Variants in CDYL2 observed in about 807,000 individuals in gnomAD.
The protein encoded by CDYL2 is chromodomain Y-like protein 2.
CDYL2 carries 23 observed loss-of-function variants against 49.4 expected under a neutral mutation model. The observed-to-expected ratio is 0.47, with a 90% CI of 0.34 to 0.66. CDYL2 has a LOEUF of 0.66. CDYL2 is among the 30% of genes least tolerant of loss of function. The pLI, the probability that CDYL2 is intolerant of heterozygous loss-of-function variation, is 0.01. For synonymous variants in CDYL2, 360 were observed against 268.8 expected, an observed-to-expected ratio of 1.34 and a Z score of -3.32; for missense variants, 678 against 656.4, an observed-to-expected ratio of 1.03 and a Z score of -0.36.
intron 1 of CDYL2, among the ~76,000 whole-genome samples, chr16:80,727,787 G>A (rs1356143514): frequency 6.6e-6 from 1 of 152,320 alleles, no homozygotes; most frequent in East Asian, 1.9e-4. Flanking sequence ...GTGGGTCCCT[G>A]ACCCCTAACC....
intron 2 of CDYL2, among the ~76,000 whole-genome samples, chr16:80,638,053 C>A (rs552100476): frequency 6.6e-6 from 1 of 151,946 alleles, no homozygotes; most frequent in Admixed American, 6.5e-5. Context: ...GAGAAATAAT[C>A]TGTGTTAATG....
chr16:80,702,183 AACACACACACACAC>A (rs35071485), intron 1 of CDYL2, among the ~76,000 whole-genome samples: 3 of 142,770 alleles, frequency 2.1e-5, no homozygotes, highest in South Asian at 2.3e-4. Flanking sequence ...GAAGGCCTAA[AACACACACACACAC>A]ACACACACAC....
chr16:80,743,930 G>A (rs1905837228), intron 1 of CDYL2, among the ~76,000 whole-genome samples: 1 of 152,114 alleles, frequency 6.6e-6, no homozygotes, highest in East Asian at 1.9e-4. Context: ...CGGTGGTGGT[G>A]GGACTGTACT....
chr16:80,673,482 T>A (rs549083605), intron 2 of CDYL2, among the ~76,000 whole-genome samples: 2 of 152,230 alleles, frequency 1.3e-5, no homozygotes, highest in Non-Finnish European at 2.9e-5. Context: ...GCTTTTGCTA[T>A]TTCTTCTAGC....
At chr16:80,703,625 A>G (rs1904318078) in intron 1 of CDYL2, among the ~76,000 whole-genome samples, 3 of 152,036 alleles carry the variant, frequency 2.0e-5, no homozygotes, top group Non-Finnish European at 2.9e-5. Flanking sequence ...CTAGCAACCA[A>G]TCTGGTTACC....
At chr16:80,646,687 G>A (rs773314833) in intron 2 of CDYL2, among the ~76,000 whole-genome samples, 12 of 152,102 alleles carry the variant, frequency 7.9e-5, no homozygotes, top group Admixed American at 3.9e-4. Flanking sequence ...TACTCAGGAG[G>A]CTGAGGCAGG....
At chr16:80,762,731 T>G (rs112294622) in intron 1 of CDYL2, among the ~76,000 whole-genome samples, 8 of 152,280 alleles carry the variant, frequency 5.3e-5, no homozygotes, top group African/African-American at 1.9e-4. Context: ...ATGTCATCAA[T>G]TGCAAGTGTC....
Position 80,647,077 on chromosome 16 carries a change from A to G in CDYL2, c.617-13841T>C, listed in dbSNP as rs549650834. On this transcript the variant is annotated intron_variant, in intron 2 of 6. Transcript: ENST00000570137. ...CTATATGCCAACAGTAAACAATCTG[A>G]AAAAGAAATTAAAAAGTTATCCCAT... 3.9e-5 allele frequency among the ~76,000 whole-genome samples: 6 copies of G among 152,288 alleles called. 1 individual carries two copies. Among genetic ancestry groups the G allele is most frequent in the South Asian group, 2.1e-4 (1 of 4,824 alleles).
intron 1 of CDYL2, among the ~76,000 whole-genome samples, chr16:80,798,592 T>C (rs928593237): frequency 1.3e-5 from 2 of 152,228 alleles, no homozygotes; most frequent in Non-Finnish European, 2.9e-5. Flanking sequence ...ATACTACATA[T>C]AACATACAAA....
chr16:80,739,376 T>C (rs999999806), intron 1 of CDYL2, among the ~76,000 whole-genome samples: 1 of 152,152 alleles, frequency 6.6e-6, no homozygotes, highest in African/African-American at 2.4e-5. Flanking sequence ...ACCTCGGAAA[T>C]GCACACTTAA....
intron 2 of CDYL2, among the ~76,000 whole-genome samples, chr16:80,657,678 G>A (rs1380229860): frequency 6.6e-6 from 1 of 152,086 alleles, no homozygotes; most frequent in African/African-American, 2.4e-5. Context: ...TGGGGAGTCA[G>A]GCATTATCTT....
intron 1 of CDYL2, among the ~76,000 whole-genome samples, chr16:80,748,213 C>CCCTG (rs1464483546): frequency 2.0e-5 from 3 of 147,654 alleles, no homozygotes; most frequent in African/African-American, 7.4e-5. Context: ...TAGGTCTGTG[C>CCCTG]CCTGGCTCTG....
rs1487395433 is a variant in CDYL2 at position 80,746,561 on chromosome 16, T to C, written c.24+57589A>G. On this transcript the variant is annotated intron_variant, in intron 1 of 6. Coordinates refer to ENST00000570137, the MANE Select transcript of CDYL2 (RefSeq NM_152342.4). The stretch of plus-strand genomic sequence containing the variant: ...GACAGGAAAAGTAACCCCAAGAATG[T>C]AGGGCAAAGGAAGCCAAGTGCCCAA... Among the ~76,000 whole-genome samples, 5 of 152,208 alleles carry C rather than the reference T, an allele frequency of 3.3e-5. No individual in the cohort carries two copies. In the East Asian group the frequency reaches 9.6e-4, roughly 29 times the overall value.
At chr16:80,803,950 C>CGCGGGAGGCG (rs1555503958) in intron 1 of CDYL2, among the ~76,000 whole-genome samples, 200 bp downstream of exon 1, 1 of 140,362 alleles carries the variant, frequency 7.1e-6, no homozygotes, top group Non-Finnish European at 1.6e-5. Context: ...GCGCGGGCGC[C>CGCGGGAGGCG]GCGGGAGGCG....
intron 3 of CDYL2, among the ~76,000 whole-genome samples, chr16:80,631,709 G>A (rs560301209): frequency 1.3e-5 from 2 of 152,120 alleles, no homozygotes; most frequent in Admixed American, 1.3e-4. Context: ...ACCATAGAAA[G>A]AAAAGTGACC....
At chr16:80,737,896 T>C (rs923143005) in intron 1 of CDYL2, among the ~76,000 whole-genome samples, 2 of 152,188 alleles carry the variant, frequency 1.3e-5, no homozygotes, top group African/African-American at 4.8e-5. Context: ...TACTTTAAGT[T>C]CTGGGTTACA....
rs539245264 is a variant in CDYL2, at chr16:80,680,284, C to T, written c.616+4254G>A. 2.0e-5 allele frequency among the ~76,000 whole-genome samples: 3 copies of T among 152,256 alleles called. No individual in the cohort carries two copies. The South Asian group carries it at 6.2e-4, about 32-fold the overall frequency. On this transcript the variant is annotated intron_variant, in intron 2 of 6. Transcript: ENST00000570137. ...GATGCAACGTCTGTGCAGCAGACAA[C>T]AGTCATCAAGATGCAAGGAAAGGAT...
At chr16:80,743,887 C>A (rs1905835266) in intron 1 of CDYL2, among the ~76,000 whole-genome samples, 1 of 151,874 alleles carries the variant, frequency 6.6e-6, no homozygotes, top group Non-Finnish European at 1.5e-5. Flanking sequence ...GGCTTGGCAC[C>A]CAGTAAGTGG....
intron 1 of CDYL2, among the ~76,000 whole-genome samples, chr16:80,800,203 T>C (rs1195605967): frequency 2.6e-5 from 4 of 152,230 alleles, no homozygotes; most frequent in Non-Finnish European, 5.9e-5. Context: ...TGCTTTCCAC[T>C]ATGTTGACCT....
Sources: gnomAD v4.1 joint callset for allele counts (sites outside exome capture counted in the v4.1 genomes callset) on GRCh38, gnomAD v4.1.1 for gene constraint, MANE v1.5 for transcripts, NCBI Gene and HGNC (gene_info 2026-07-23, HGNC 2026-07-21) for gene names.